Variants in XPO6 observed in about 807,000 individuals in gnomAD.
XPO6 encodes the protein exportin-6.
A neutral mutation model predicts 130.0 loss-of-function variants in XPO6; 3 were observed. The ratio of observed to expected loss-of-function variants is 0.02; its 90% confidence interval spans 0.01 to 0.06. The LOEUF is 0.06. Ranked by LOEUF, XPO6 falls within the 10% of genes least tolerant of loss-of-function variation. The pLI is 1.00. For synonymous variants in XPO6, 524 were observed against 548.9 expected (o/e 0.95, Z 0.63); for missense variants, 970 against 1,393.0 (o/e 0.70, Z 4.83).
rs745862947 is a variant in XPO6 at position 28,111,877 on chromosome 16, C to A, written c.2281G>T (p.Asp761Tyr). Residue 761 changes from aspartate to tyrosine, a missense_variant, in exon 17 of 24, where the codon GAC (aspartate) becomes TAC (tyrosine). Physicochemically the swap from Asp to Tyr is radical, Grantham distance 160 (BLOSUM62 -3). Transcript: ENST00000304658. Reference protein sequence around the residue: ...HASLISALSRDYRNLKPSAVA... With the variant: ...HASLISALSRYYRNLKPSAVA... ...GCACTGGGCTTCAGGTTGCGATAGT[C>A]CCGGGAGAGTGCAGAGATGAGGCTG... is the stretch of plus-strand genomic sequence containing the variant. 254 of 1,614,066 alleles carry A rather than the reference C, an allele frequency of 1.6e-4. No individual in the cohort carries two copies. Among genetic ancestry groups the A allele is most frequent in the Non-Finnish European group, 2.0e-4 (241 of 1,180,048 alleles).
At chr16:28,146,254 C>G in intron 8 of XPO6, 51 bp from the exon 9 acceptor site, 1 of 1,254,490 alleles carries the variant, frequency 8.0e-7, no homozygotes, top group East Asian at 2.3e-5. Context: ...GCTACTATTC[C>G]TTAGAAACAC....
intron 6 of XPO6, among the ~76,000 whole-genome samples, chr16:28,161,295 T>TC (rs1181875037): frequency 7.2e-5 from 11 of 152,162 alleles, no homozygotes; most frequent in Non-Finnish European, 1.2e-4. Flanking sequence ...CCTAAAAGGG[T>TC]TTGGGGGACT....
At chr16:28,167,316 C>G in intron 5 of XPO6, 1 of 985,450 alleles carries the variant, frequency 1.0e-6, no homozygotes, top group Non-Finnish European at 1.2e-6. Context: ...AACCTGCCAC[C>G]AATCCTTTTT....
chr16:28,126,191 G>C (rs1240059466), intron 12 of XPO6, among the ~76,000 whole-genome samples: 2 of 152,230 alleles, frequency 1.3e-5, no homozygotes, highest in African/African-American at 2.4e-5. Context: ...GCACACCCAG[G>C]GAGGCCCAGG....
At chr16:28,109,031 G>C (rs566711117) in intron 17 of XPO6, among the ~76,000 whole-genome samples, 2 of 152,290 alleles carry the variant, frequency 1.3e-5, no homozygotes, top group East Asian at 3.9e-4. Flanking sequence ...CTTCTACTCA[G>C]CTAGGAAACT....
intron 6 of XPO6, among the ~76,000 whole-genome samples, chr16:28,161,437 G>A (rs973040118): frequency 6.6e-6 from 1 of 152,020 alleles, no homozygotes; most frequent in Admixed American, 6.6e-5. Flanking sequence ...ATTCATTAAC[G>A]AAGGGTTTAA....
At chr16:28,137,466 C>G (rs935641063) in intron 9 of XPO6, among the ~76,000 whole-genome samples, 1 of 152,182 alleles carries the variant, frequency 6.6e-6, no homozygotes, top group Non-Finnish European at 1.5e-5. Flanking sequence ...ACCACCCAAT[C>G]TAATACAGTT....
At chr16:28,175,142 C>T in intron 4 of XPO6, among the ~76,000 whole-genome samples, 1 of 151,964 alleles carries the variant, frequency 6.6e-6, no homozygotes, top group East Asian at 1.9e-4. Flanking sequence ...ATTCTAGATT[C>T]CTCCCTTCTC....
intron 13 of XPO6, among the ~76,000 whole-genome samples, chr16:28,124,901 G>C (rs1297325352): frequency 1.3e-5 from 2 of 152,182 alleles, no homozygotes; most frequent in East Asian, 3.8e-4. Flanking sequence ...GCCAGTCGAA[G>C]CATCAGGTGT....
At chr16:28,149,194 G>A (rs2043041861) in intron 8 of XPO6, among the ~76,000 whole-genome samples, 2 of 152,034 alleles carry the variant, frequency 1.3e-5, no homozygotes, top group Admixed American at 1.3e-4. Context: ...AGAAGGAAGT[G>A]GTGAGGACGC....
chr16:28,148,097 G>C (rs989282081), intron 8 of XPO6, among the ~76,000 whole-genome samples: 3 of 152,174 alleles, frequency 2.0e-5, no homozygotes, highest in Admixed American at 6.5e-5. Flanking sequence ...CTATCCACTA[G>C]CCCCCTCAAA....
chr16:28,181,167 G>A (rs1055503969), intron 1 of XPO6, 136 bp from the exon 2 acceptor site: 11 of 572,916 alleles, frequency 1.9e-5, no homozygotes, highest in African/African-American at 1.9e-4. Flanking sequence ...TCAAATGCAT[G>A]GTATATGCCA....
chr16:28,149,052 A>AG (rs1334226533), intron 8 of XPO6, among the ~76,000 whole-genome samples: 3 of 142,648 alleles, frequency 2.1e-5, no homozygotes, highest in Non-Finnish European at 4.5e-5. Context: ...CCAAAAAAAA[A>AG]GAAAATAAAA....
chr16:28,199,492 G>T (rs1289595757), intron 1 of XPO6, among the ~76,000 whole-genome samples: 1 of 151,958 alleles, frequency 6.6e-6, no homozygotes, highest in Admixed American at 6.6e-5. Context: ...GGTCAGGCTG[G>T]TCTCAAACTC....
At chr16:28,109,017 T>C (rs1007083140) in intron 17 of XPO6, among the ~76,000 whole-genome samples, 2 of 152,150 alleles carry the variant, frequency 1.3e-5, no homozygotes, top group South Asian at 2.1e-4. Context: ...TACAAGCACA[T>C]GGACTTCTAC....
intron 12 of XPO6, among the ~76,000 whole-genome samples, chr16:28,129,132 T>C (rs926978678): frequency 6.6e-6 from 1 of 152,186 alleles, no homozygotes; most frequent in Non-Finnish European, 1.5e-5. Flanking sequence ...TTCCATACAG[T>C]TCCACTTCAC....
rs1169688277 is a variant in XPO6, at chr16:28,132,329, T to C, written c.1606+5A>G. The stretch of plus-strand genomic sequence containing the variant: ...GGTTAAATTAGAAAATAAAAACCAG[T>C]TTACCTGACCCTGAAGTGACTATAA... On this transcript the variant is annotated splice_donor_5th_base_variant and intron_variant, in intron 12 of 23. Transcript: ENST00000304658. This position sits in a 1 kb window ranked among gnomAD's most constrained non-coding sequence, Gnocchi z 4.0. 5.0e-6 allele frequency: 8 copies of C among 1,596,526 alleles called. No homozygotes were observed. The highest frequency in any genetic ancestry group is 6.8e-6 in the Non-Finnish European group (8 of 1,169,480).
At chr16:28,145,473 TTC>T (rs1433683796) in intron 9 of XPO6, among the ~76,000 whole-genome samples, 4 of 152,304 alleles carry the variant, frequency 2.6e-5, no homozygotes, top group South Asian at 4.1e-4. Context: ...CCATTCCGCA[TTC>T]TCTGTTTTTT....
intron 1 of XPO6, among the ~76,000 whole-genome samples, chr16:28,193,527 A>T (rs542505939): frequency 2.0e-4 from 30 of 152,274 alleles, no homozygotes; most frequent in Non-Finnish European, 3.7e-4. Flanking sequence ...GTAATACTGG[A>T]ACTATACACA....
Sources: allele counts gnomAD v4.1 joint callset (sites outside exome capture counted in the v4.1 genomes callset), GRCh38; gene constraint gnomAD v4.1.1; non-coding constraint Gnocchi (gnomAD v3.1); transcripts MANE v1.5; gene names NCBI Gene and HGNC (gene_info 2026-07-23, HGNC 2026-07-21).